The following GRM7 variants were observed in gnomAD, a reference collection of about 807,000 sequenced individuals.
GRM7 encodes glutamate metabotropic receptor 7.
In GRM7, 35 loss-of-function variants were observed where a neutral mutation model predicts 84.5. That is an observed-to-expected ratio of 0.41 (90% CI 0.32 to 0.55). GRM7 has a LOEUF of 0.55. Among genes scored for constraint, GRM7 ranks in the 20% least tolerant of loss-of-function variants. The pLI is 0.19. For missense variants in GRM7, 1,003 were observed against 1,194.6 expected (o/e 0.84, Z 2.36); for synonymous variants, 487 against 455.1 (o/e 1.07, Z -0.89).
At chr3:7,213,614 G>T (rs535041004) in intron 2 of GRM7, among the ~76,000 whole-genome samples, 7 of 152,278 alleles carry the variant, frequency 4.6e-5, no homozygotes, top group African/African-American at 1.7e-4. Context: ...CATTTGTGAG[G>T]GAATGGCGGG....
chr3:7,650,280 C>A (rs1431530680), intron 8 of GRM7, among the ~76,000 whole-genome samples: 2 of 152,272 alleles, frequency 1.3e-5, no homozygotes, highest in Non-Finnish European at 2.9e-5. Flanking sequence ...AGCTTTATAG[C>A]CTTGAATGAG....
rs1307330621 is a variant in GRM7 at position 7,486,475 on chromosome 3, G to T, written c.1515+24753G>T. ...TGGGTCATAAAGCGTACTCCTTTATGAAGGGATTAATGCAGTCACTGGGAG... is the reference window on the plus strand; with the variant it reads ...TGGGTCATAAAGCGTACTCCTTTATTAAGGGATTAATGCAGTCACTGGGAG... On this transcript the variant is annotated intron_variant, in intron 7 of 9. Coordinates refer to ENST00000357716, the MANE Select transcript of GRM7 (RefSeq NM_000844.4). The surrounding 1 kb of genome is among the most constrained non-coding windows in gnomAD (Gnocchi z 5.5). Among the ~76,000 whole-genome samples the T allele has an allele frequency of 6.6e-6, 1 of 152,146 alleles. No homozygotes were observed. Among genetic ancestry groups the T allele is most frequent in the African/African-American group, 2.4e-5 (1 of 41,426 alleles).
chr3:7,214,152 G>A (rs1696524257), intron 2 of GRM7, among the ~76,000 whole-genome samples: 1 of 151,694 alleles, frequency 6.6e-6, no homozygotes, highest in African/African-American at 2.4e-5. Flanking sequence ...ATGATTCTTG[G>A]GGATAAGAAC....
At chr3:7,150,402 A>G (rs1694248822) in intron 2 of GRM7, among the ~76,000 whole-genome samples, 1 of 152,160 alleles carries the variant, frequency 6.6e-6, no homozygotes, top group Non-Finnish European at 1.5e-5. Flanking sequence ...CAAGACAATG[A>G]TGTCAGAGAA....
intron 7 of GRM7, among the ~76,000 whole-genome samples, chr3:7,478,239 C>A (rs377224546): frequency 3.9e-5 from 6 of 152,270 alleles, no homozygotes; most frequent in African/African-American, 1.4e-4. Flanking sequence ...GGAGGGAAAT[C>A]TGGGGACCCA....
intron 7 of GRM7, among the ~76,000 whole-genome samples, chr3:7,484,008 T>C (rs939118748): frequency 2.0e-5 from 3 of 151,986 alleles, no homozygotes; most frequent in Non-Finnish European, 4.4e-5. Flanking sequence ...ATGCTTCTGT[T>C]AAAAAAAATT....
At chr3:6,892,680 C>G (rs778484520) in intron 1 of GRM7, 3 of 152,138 alleles carry the variant, frequency 2.0e-5, no homozygotes, top group Non-Finnish European at 2.9e-5. Flanking sequence ...TTACATATCA[C>G]ATGCTAAACT....
intron 4 of GRM7, among the ~76,000 whole-genome samples, chr3:7,408,133 C>A (rs1695761399): frequency 6.6e-6 from 1 of 152,186 alleles, no homozygotes; most frequent in Admixed American, 6.5e-5. Context: ...TTGAACCCTA[C>A]AATTCTAGTT....
In GRM7 at chr3:7,710,950, T is replaced by A. The variant is rs74380787; in HGVS notation, c.2699-29407T>A. Among the ~76,000 whole-genome samples, 298 of 152,334 alleles carry A rather than the reference T, an allele frequency of 2.0e-3. 9 individuals are homozygous for A. The East Asian group carries it at 0.052, about 26-fold the overall frequency. ...CGCTTAGAGTCACGTTTTCTGGGCATGTCTCTGATCTTAACTGCCTAAGAC... is the reference window on the plus strand; with the variant it reads ...CGCTTAGAGTCACGTTTTCTGGGCAAGTCTCTGATCTTAACTGCCTAAGAC... On this transcript the variant is annotated intron_variant, in intron 9 of 9. Transcript: ENST00000357716.
chr3:7,528,972 G>A (rs1353446172), intron 7 of GRM7, among the ~76,000 whole-genome samples: 1 of 152,056 alleles, frequency 6.6e-6, no homozygotes, highest in Admixed American at 6.6e-5. Context: ...GTGCAAGTGG[G>A]AAGAATGCAT....
intron 1 of GRM7, among the ~76,000 whole-genome samples, chr3:6,987,387 G>T (rs1694454576): frequency 6.7e-6 from 1 of 148,188 alleles, no homozygotes; most frequent in Non-Finnish European, 1.5e-5. Context: ...AGAAATTATT[G>T]GTGCTGAAGG....
intron 1 of GRM7, among the ~76,000 whole-genome samples, chr3:6,929,978 A>C (rs533906362): frequency 6.6e-6 from 1 of 152,290 alleles, no homozygotes; most frequent in Non-Finnish European, 1.5e-5. Context: ...GTCTGGAGTA[A>C]TCATTTGATT....
chr3:6,971,614 A>T (rs1693761869), intron 1 of GRM7, among the ~76,000 whole-genome samples: 1 of 152,240 alleles, frequency 6.6e-6, no homozygotes, highest in African/African-American at 2.4e-5. Context: ...ATGCATTGCT[A>T]AATGGTTGAC....
intron 1 of GRM7, among the ~76,000 whole-genome samples, chr3:7,136,786 G>C (rs576553952): frequency 6.6e-6 from 1 of 152,136 alleles, no homozygotes; most frequent in East Asian, 1.9e-4. Context: ...CCAATAGAGT[G>C]GTATCCAATG....
intron 2 of GRM7, among the ~76,000 whole-genome samples, chr3:7,264,969 A>G (rs926534629): frequency 6.6e-6 from 1 of 152,234 alleles, no homozygotes; most frequent in Non-Finnish European, 1.5e-5. Flanking sequence ...ACCTATATGC[A>G]TCTTTCTCAA....
intron 5 of GRM7, among the ~76,000 whole-genome samples, chr3:7,447,110 TAGAG>T (rs1448809981): frequency 2.0e-5 from 3 of 152,146 alleles, no homozygotes; most frequent in Admixed American, 1.3e-4. Flanking sequence ...CTTTGCATAC[TAGAG>T]AGGTAAAAGA....
At chr3:7,319,273 G>A (rs1700688823) in intron 4 of GRM7, among the ~76,000 whole-genome samples, 1 of 152,012 alleles carries the variant, frequency 6.6e-6, no homozygotes, top group Non-Finnish European at 1.5e-5. Flanking sequence ...TCAGAGTGAG[G>A]CCTTAAAGAA....
intron 9 of GRM7, among the ~76,000 whole-genome samples, chr3:7,690,688 C>G (rs1050762246): frequency 4.6e-5 from 7 of 152,194 alleles, no homozygotes; most frequent in South Asian, 2.1e-4. Context: ...TCTATACTTT[C>G]AAAGTGCACA....
chr3:7,729,751 G>A (rs1361669567), intron 9 of GRM7, among the ~76,000 whole-genome samples: 1 of 152,122 alleles, frequency 6.6e-6, no homozygotes, highest in Non-Finnish European at 1.5e-5. Flanking sequence ...CTGTTGCCAG[G>A]CTGGAGTGCA....
Sources: gnomAD v4.1 joint callset for allele counts (sites outside exome capture counted in the v4.1 genomes callset) on GRCh38, gnomAD v4.1.1 for gene constraint, Gnocchi (gnomAD v3.1) non-coding constraint, MANE v1.5 for transcripts, NCBI Gene and HGNC (gene_info 2026-07-23, HGNC 2026-07-21) for gene names.